AGMO: variants seen among roughly 807,000 people sequenced by gnomAD.
AGMO encodes the protein alkylglycerol monooxygenase.
A neutral mutation model predicts 60.2 loss-of-function variants in AGMO; 75 were observed. The observed-to-expected ratio is 1.25, with a 90% CI of 1.03 to 1.51. The LOEUF is 1.51. AGMO is among the 40% of genes most tolerant of loss of function. AGMO has a pLI of 0.00. For missense variants in AGMO, 763 were observed against 525.5 expected, an observed-to-expected ratio of 1.45 and a Z score of -4.42; for synonymous variants, 261 against 177.1, an observed-to-expected ratio of 1.47 and a Z score of -3.76.
At chr7:15,393,920 C>CCCACA (rs1784255482) in intron 6 of AGMO, among the ~76,000 whole-genome samples, 193 bp downstream of exon 6, 1 of 149,058 alleles carries the variant, frequency 6.7e-6, no homozygotes, top group African/African-American at 2.5e-5. Context: ...CCTACCCCAC[C>CCCACA]CCACCCCACC....
At chr7:15,553,845 A>G (rs1274698431) in intron 2 of AGMO, among the ~76,000 whole-genome samples, 4 of 152,134 alleles carry the variant, frequency 2.6e-5, no homozygotes, top group Admixed American at 6.6e-5. Flanking sequence ...TAGGGTTAAC[A>G]CAAATCGAGC....
intron 12 of AGMO, among the ~76,000 whole-genome samples, chr7:15,242,051 T>C (rs1256080601): frequency 6.6e-6 from 1 of 152,120 alleles, no homozygotes; most frequent in Non-Finnish European, 1.5e-5. Context: ...TCCTCTTCTG[T>C]TACCAGACAG....
chr7:15,131,348 T>A, the AGMO span, among the ~76,000 whole-genome samples: 2 of 152,064 alleles, frequency 1.3e-5, no homozygotes, highest in East Asian at 3.9e-4. Context: ...CCAGAACTGG[T>A]TTAAATTATA....
At chr7:15,278,994 G>C (rs79943168) in intron 12 of AGMO, among the ~76,000 whole-genome samples, 1,898 of 152,222 alleles carry the variant, frequency 0.012, 50 homozygotes, top group African/African-American at 0.043. Flanking sequence ...AGTTGTCTTT[G>C]AGTCACATGA....
chr7:15,401,349 T>C (rs1784547542), intron 5 of AGMO, among the ~76,000 whole-genome samples: 1 of 152,128 alleles, frequency 6.6e-6, no homozygotes, highest in African/African-American at 2.4e-5. Flanking sequence ...ACTAGTTAGA[T>C]TTTTGTGGCT....
intron 5 of AGMO, among the ~76,000 whole-genome samples, chr7:15,395,614 G>C (rs767402835): frequency 2.0e-5 from 3 of 151,876 alleles, no homozygotes; most frequent in Non-Finnish European, 4.4e-5. Flanking sequence ...AAAAAACAAA[G>C]AAAAAAGGAC....
At chr7:15,516,699 A>G (rs1408724878) in intron 3 of AGMO, among the ~76,000 whole-genome samples, 2 of 152,168 alleles carry the variant, frequency 1.3e-5, no homozygotes. Flanking sequence ...CTGTATATCC[A>G]AAAACTGTCA....
chr7:15,364,071 G>C (rs1782868001), intron 12 of AGMO, among the ~76,000 whole-genome samples: 1 of 151,778 alleles, frequency 6.6e-6, no homozygotes, highest in African/African-American at 2.4e-5. Context: ...TAAATTAGAT[G>C]ATATCCAAGA....
At chr7:15,307,929 C>G (rs1780662284) in intron 12 of AGMO, among the ~76,000 whole-genome samples, 1 of 151,964 alleles carries the variant, frequency 6.6e-6, no homozygotes, top group African/African-American at 2.4e-5. Context: ...TATTTTATGT[C>G]TCTCTCTTGT....
intron 12 of AGMO, among the ~76,000 whole-genome samples, chr7:15,330,966 T>C (rs1469886506): frequency 6.6e-6 from 1 of 152,140 alleles, no homozygotes; most frequent in Non-Finnish European, 1.5e-5. Context: ...GGAAGTGATC[T>C]TGTGTGACAT....
chr7:15,316,905 A>T (rs1780943060), intron 12 of AGMO, among the ~76,000 whole-genome samples: 2 of 152,142 alleles, frequency 1.3e-5, no homozygotes, highest in Non-Finnish European at 2.9e-5. Context: ...TGGCACTCTG[A>T]TTTCATGGTA....
chr7:15,442,183 T>C (rs1026743071), intron 3 of AGMO, among the ~76,000 whole-genome samples: 30 of 152,216 alleles, frequency 2.0e-4, no homozygotes, highest in African/African-American at 7.0e-4. Context: ...ATTAGCATTG[T>C]TAGTGGTCTT....
chr7:15,122,131 T>C, the AGMO span, among the ~76,000 whole-genome samples: 1 of 152,126 alleles, frequency 6.6e-6, no homozygotes, highest in Non-Finnish European at 1.5e-5. Context: ...ACCTACAGAA[T>C]GGGAGAAAAG....
At chr7:15,490,001 TCTC>T (rs1449372736) in intron 3 of AGMO, among the ~76,000 whole-genome samples, 1 of 152,220 alleles carries the variant, frequency 6.6e-6, no homozygotes, top group Non-Finnish European at 1.5e-5. Flanking sequence ...AATTTATCCT[TCTC>T]CGTGCACATG....
chr7:15,173,792 TAAAG>T, the AGMO span, among the ~76,000 whole-genome samples: 8 of 151,842 alleles, frequency 5.3e-5, no homozygotes, highest in East Asian at 1.5e-3. Context: ...AAATTTAGTT[TAAAG>T]AAAGGTTTTT....
chr7:15,168,639 G>A, the AGMO span, among the ~76,000 whole-genome samples: 63 of 152,274 alleles, frequency 4.1e-4, no homozygotes, highest in African/African-American at 1.4e-3. Context: ...TCCTTAGGAG[G>A]CAGGCTATTT....
At chr7:15,392,542 T>A (rs1784187139) in intron 6 of AGMO, among the ~76,000 whole-genome samples, 1 of 152,106 alleles carries the variant, frequency 6.6e-6, no homozygotes, top group Admixed American at 6.5e-5. Context: ...GACTCAGGCC[T>A]GTAATCCCAG....
intron 3 of AGMO, among the ~76,000 whole-genome samples, chr7:15,459,453 G>T (rs115788550): frequency 6.6e-6 from 1 of 152,066 alleles, no homozygotes; most frequent in African/African-American, 2.4e-5. Context: ...TGTTCCGAAT[G>T]CTCTCATTTC....
At chr7:15,384,815 CTCTTTT>C (rs1441618815) in intron 10 of AGMO, among the ~76,000 whole-genome samples, 761 of 60,776 alleles carry the variant, frequency 0.013, 7 homozygotes, top group African/African-American at 0.046. Flanking sequence ...ACCTGTTTTT[CTCTTTT>C]TTTTTTTTTT....
Sources: gnomAD v4.1 joint callset for allele counts (sites outside exome capture counted in the v4.1 genomes callset) on GRCh38, gnomAD v4.1.1 for gene constraint, MANE v1.5 for transcripts, NCBI Gene and HGNC (gene_info 2026-07-23, HGNC 2026-07-21) for gene names.